Variants in RGS6 observed in about 807,000 individuals in gnomAD.
RGS6 encodes regulator of G-protein signaling 6.
Under a neutral mutation model 78.5 loss-of-function variants are expected in RGS6, and 30 were observed. That is an observed-to-expected ratio of 0.38 (90% CI 0.29 to 0.52). RGS6 has a LOEUF of 0.52. Ranked by LOEUF, RGS6 falls within the 20% of genes least tolerant of loss-of-function variation. The probability of loss-of-function intolerance (pLI) is 0.85; values close to 1 mark genes in which losing one functional copy is unlikely to be tolerated. For missense variants in RGS6, 495 were observed against 609.7 expected, an observed-to-expected ratio of 0.81 and a Z score of 1.98; for synonymous variants, 206 against 206.0, an observed-to-expected ratio of 1.00 and a Z score of 0.00.
intron 2 of RGS6, among the ~76,000 whole-genome samples, chr14:72,110,162 G>A (rs1237498243): frequency 3.3e-5 from 5 of 152,124 alleles, no homozygotes; most frequent in African/African-American, 1.2e-4. Flanking sequence ...CTGTATTCCA[G>A]ACATCATTGG....
intron 2 of RGS6, among the ~76,000 whole-genome samples, chr14:72,028,892 TC>T (rs1200582108): frequency 6.6e-6 from 1 of 152,204 alleles, no homozygotes; most frequent in Non-Finnish European, 1.5e-5. Flanking sequence ...CACCTGTAGG[TC>T]AAGTCCTAAT....
intron 2 of RGS6, among the ~76,000 whole-genome samples, chr14:72,265,252 T>C (rs1373544342): frequency 6.6e-6 from 1 of 152,188 alleles, no homozygotes; most frequent in Non-Finnish European, 1.5e-5. Context: ...CTGGGCATCC[T>C]TGCATACATG....
At chr14:72,548,336 TGTGTGTGCGCGC>T (rs1315399099) in intron 17 of RGS6, among the ~76,000 whole-genome samples, 2 of 133,256 alleles carry the variant, frequency 1.5e-5, no homozygotes, top group African/African-American at 3.3e-5. Flanking sequence ...TTTGTGTGTG[TGTGTGTGCGCGC>T]GTGTGTGTGT....
intron 2 of RGS6, among the ~76,000 whole-genome samples, chr14:72,115,014 A>G (rs542160063): frequency 5.3e-5 from 8 of 152,342 alleles, no homozygotes; most frequent in African/African-American, 1.9e-4. Flanking sequence ...CTAACAGATC[A>G]TTTACTAACT....
chr14:71,982,278 G>T (rs1176717135), intron 2 of RGS6, among the ~76,000 whole-genome samples: 3 of 152,196 alleles, frequency 2.0e-5, no homozygotes, highest in Admixed American at 6.5e-5. Flanking sequence ...CTGTAGACTG[G>T]AGCTGTTCCT....
At chr14:72,401,830 C>T (rs145245122) in intron 3 of RGS6, among the ~76,000 whole-genome samples, 171 of 152,204 alleles carry the variant, frequency 1.1e-3, no homozygotes, top group African/African-American at 3.9e-3. Context: ...TGAGGTCAGC[C>T]GCCACCACAG....
the RGS6 span, chr14:72,619,790 G>C: frequency 9.8e-7 from 1 of 1,016,824 alleles, no homozygotes; most frequent in East Asian, 2.7e-5. Context: ...AATGAGACAA[G>C]ACATGAACAT....
chr14:72,152,298 A>G (rs192767377), intron 2 of RGS6, among the ~76,000 whole-genome samples: 3 of 151,794 alleles, frequency 2.0e-5, no homozygotes, highest in Non-Finnish European at 4.4e-5. Flanking sequence ...TAGAGGTCAG[A>G]CTCAAGTCCA....
At chr14:72,424,620 A>G (rs2094353181) in intron 3 of RGS6, among the ~76,000 whole-genome samples, 1 of 152,238 alleles carries the variant, frequency 6.6e-6, no homozygotes, top group Non-Finnish European at 1.5e-5. Flanking sequence ...ATGAAAAATT[A>G]TATCATTGCT....
the RGS6 span, among the ~76,000 whole-genome samples, chr14:71,870,951 A>C: frequency 2.6e-5 from 4 of 152,202 alleles, no homozygotes; most frequent in African/African-American, 9.7e-5. Context: ...GATTGTGTAC[A>C]AGTTCTCCTG....
intron 2 of RGS6, among the ~76,000 whole-genome samples, chr14:72,192,132 A>C (rs1567428628): frequency 6.6e-6 from 1 of 152,226 alleles, no homozygotes; most frequent in East Asian, 1.9e-4. Flanking sequence ...CATGTCAGTC[A>C]TCACTGAACA....
chr14:72,011,741 A>G (rs1272090284), intron 2 of RGS6, among the ~76,000 whole-genome samples: 1 of 152,206 alleles, frequency 6.6e-6, no homozygotes, highest in Non-Finnish European at 1.5e-5. Context: ...TTATATTAAT[A>G]TAAGAGACTT....
chr14:72,003,116 A>G (rs1045933328), intron 2 of RGS6, among the ~76,000 whole-genome samples: 2 of 152,228 alleles, frequency 1.3e-5, no homozygotes, highest in African/African-American at 4.8e-5. Flanking sequence ...TGAGTGAAAG[A>G]GAACCCCTCA....
intron 3 of RGS6, among the ~76,000 whole-genome samples, chr14:72,449,711 G>A (rs1188984281): frequency 6.6e-6 from 1 of 152,222 alleles, no homozygotes; most frequent in African/African-American, 2.4e-5. Flanking sequence ...GCCGGACTCT[G>A]GGTGGACAGC....
chr14:72,015,884 T>G (rs543118222), intron 2 of RGS6, among the ~76,000 whole-genome samples: 5 of 152,368 alleles, frequency 3.3e-5, no homozygotes, highest in Admixed American at 6.5e-5. Flanking sequence ...CCCATTTATA[T>G]TCCTTGCTAG....
chr14:72,254,128 G>A lies in RGS6; in HGVS notation c.85-97967G>A, dbSNP rs75710716. 2.7e-3 allele frequency among the ~76,000 whole-genome samples: 411 copies of A among 152,304 alleles called. 4 individuals are homozygous for A. Among genetic ancestry groups the A allele is most frequent in the East Asian group, 0.018 (95 of 5,188 alleles). ...TTACCAATAGATCAGTGAAATTCAC[G>A]TGCCCTTGAACATTTTCAAAGGTAT... is the stretch of plus-strand genomic sequence containing the variant. On this transcript the variant is annotated intron_variant, in intron 2 of 17. Coordinates refer to ENST00000553525, the MANE Select transcript of RGS6 (RefSeq NM_001204424.2).
chr14:72,225,689 T>C (rs2238231), intron 2 of RGS6, among the ~76,000 whole-genome samples: 14,784 of 152,194 alleles, frequency 0.097, 1,002 homozygotes, highest in East Asian at 0.31. Context: ...CCACCAAAGA[T>C]ACCTAACGTT....
chr14:72,375,224 A>G, intron 3 of RGS6, among the ~76,000 whole-genome samples: 1 of 152,222 alleles, frequency 6.6e-6, no homozygotes, highest in Admixed American at 6.5e-5. Context: ...TCCAAATTTA[A>G]AGATCTAATA....
At chr14:72,304,438 G>A (rs1377402831) in intron 2 of RGS6, among the ~76,000 whole-genome samples, 1 of 152,168 alleles carries the variant, frequency 6.6e-6, no homozygotes, top group Admixed American at 6.5e-5. Context: ...TTCCCTGTTG[G>A]TAGACACTGG....
Sources: gnomAD v4.1 joint callset for allele counts (sites outside exome capture counted in the v4.1 genomes callset) on GRCh38, gnomAD v4.1.1 for gene constraint, MANE v1.5 for transcripts, NCBI Gene and HGNC (gene_info 2026-07-23, HGNC 2026-07-21) for gene names.